Variants in CEBPZOS observed in about 807,000 individuals in gnomAD.
The protein encoded by CEBPZOS is protein CEBPZOS.
Under a neutral mutation model 4.8 loss-of-function variants are expected in CEBPZOS, and 10 were observed. That is an observed-to-expected ratio of 2.07 (90% CI 1.28 to 3.52). CEBPZOS has a LOEUF of 3.52. Among genes scored for constraint, CEBPZOS ranks in the 30% most tolerant of loss-of-function variants. The probability of loss-of-function intolerance (pLI) is 0.00; values close to 1 mark genes in which losing one functional copy is unlikely to be tolerated. For synonymous variants in CEBPZOS, 25 were observed against 14.2 expected, an observed-to-expected ratio of 1.77 and a Z score of -1.72; for missense variants, 98 against 43.6, an observed-to-expected ratio of 2.25 and a Z score of -3.51.
intron 2 of CEBPZOS, 94 bp downstream of exon 2, chr2:37,199,913 T>G: frequency 1.6e-6 from 1 of 642,528 alleles, no homozygotes; most frequent in Non-Finnish European, 2.9e-6. Flanking sequence ...TTGGAGAAAT[T>G]GGTTCTTCAG....
At chr2:37,198,548 G>C (rs1321243406) in intron 1 of CEBPZOS, 1 of 152,050 alleles carries the variant, frequency 6.6e-6, no homozygotes, top group Non-Finnish European at 1.5e-5. Flanking sequence ...CAGCGAGCTG[G>C]GATTGAGAAC....
chr2:37,198,657 T>A (rs1338426147), intron 1 of CEBPZOS: 5 of 152,246 alleles, frequency 3.3e-5, no homozygotes, highest in African/African-American at 1.2e-4. Context: ...AACTTGGGTT[T>A]ACATTAATGT....
At chr2:37,208,531 A>G (rs1677613627), downstream of CEBPZOS, among the ~76,000 whole-genome samples, 1 of 152,152 alleles carries the variant, frequency 6.6e-6, no homozygotes, top group Non-Finnish European at 1.5e-5. Context: ...TAAACAATTA[A>G]AAACAAAAAT....
At chr2:37,200,533 T>G (rs1206542959) in intron 2 of CEBPZOS, among the ~76,000 whole-genome samples, 2 of 152,086 alleles carry the variant, frequency 1.3e-5, no homozygotes, top group Non-Finnish European at 2.9e-5. Flanking sequence ...AAGCTTGGGA[T>G]CAGTTTTAAA....
intron 1 of CEBPZOS, among the ~76,000 whole-genome samples, chr2:37,197,945 G>A (rs764734010): frequency 1.1e-4 from 17 of 152,162 alleles, no homozygotes; most frequent in Non-Finnish European, 1.5e-5. Flanking sequence ...TGGATTGCCT[G>A]AGCTCAGGAG....
intron 1 of CEBPZOS, among the ~76,000 whole-genome samples, chr2:37,197,945 G>C (rs764734010): frequency 6.6e-6 from 1 of 152,162 alleles, no homozygotes; most frequent in Non-Finnish European, 1.5e-5. Flanking sequence ...TGGATTGCCT[G>C]AGCTCAGGAG....
Position 37,202,695 on chromosome 2 carries a change from A to C in CEBPZOS, c.*835A>C, listed in dbSNP as rs1677328423. Reference sequence around the variant, plus strand: ...AAAAAAAAAAAAAAAAAAAAAAAGAATAAATAAAATAACGAAAATTTCCTA... The same window carrying C: ...AAAAAAAAAAAAAAAAAAAAAAAGACTAAATAAAATAACGAAAATTTCCTA... On this transcript the variant is annotated 3_prime_UTR_variant, in exon 5 of 5. Coordinates refer to ENST00000402297, the MANE Select transcript of CEBPZOS (RefSeq NM_001322374.2). The C allele has an allele frequency of 2.5e-5, 5 of 202,676 alleles. No homozygotes were observed. 12.6% of individuals were successfully genotyped at this position (202,676 alleles called of 1,614,324 possible).
chr2:37,213,685 A>T (rs1479726767), exon 5 of CEBPZOS: 1 of 513,304 alleles, frequency 1.9e-6, no homozygotes, highest in Non-Finnish European at 3.4e-6. Flanking sequence ...AAGTGCTGGG[A>T]TTACAGGTGT....
chr2:37,202,689 A>G lies in CEBPZOS; in HGVS notation c.*829A>G. On this transcript the variant is annotated 3_prime_UTR_variant, in exon 5 of 5. Coordinates refer to ENST00000402297, the MANE Select transcript of CEBPZOS (RefSeq NM_001322374.2). ...AAAAAAAAAAAAAAAAAAAAAAAAA[A>G]AAAGAATAAATAAAATAACGAAAAT... The G allele has an allele frequency of 4.0e-6, 1 of 247,770 alleles. No individual in the cohort carries two copies. The highest frequency in any genetic ancestry group is 7.2e-6 in the Non-Finnish European group (1 of 138,226). 15.3% of individuals were successfully genotyped at this position (247,770 alleles called of 1,614,324 possible).
At chr2:37,206,945 A>G (rs2148340678), downstream of CEBPZOS, among the ~76,000 whole-genome samples, 1 of 152,318 alleles carries the variant, frequency 6.6e-6, no homozygotes, top group South Asian at 2.1e-4. Context: ...ACTTAAGGTA[A>G]AGGGGTGGGA....
chr2:37,208,895 G>A (rs1478241820), downstream of CEBPZOS: 1 of 151,834 alleles, frequency 6.6e-6, no homozygotes, highest in East Asian at 1.9e-4. Flanking sequence ...AAACCCTAAA[G>A]ACTCATCCAA....
intron 4 of CEBPZOS, chr2:37,210,709 C>G (rs765554093): frequency 1.4e-5 from 4 of 278,976 alleles, no homozygotes; most frequent in African/African-American, 2.3e-5. Context: ...TCAGAAATCA[C>G]TACTAAAGAA....
At position 37,202,172 on chromosome 2, in the gene CEBPZOS, C is replaced by A; in HGVS notation, c.*312C>A. 1 of 268,556 alleles carries A rather than the reference C, an allele frequency of 3.7e-6. No homozygotes were observed. The allele number at this position is 268,556 out of a possible 1,614,324, so 16.6% of individuals were successfully genotyped here. A position where few individuals can be genotyped will look rare whatever the true frequency, so the allele number is the denominator to read the frequency against. On this transcript the variant is annotated 3_prime_UTR_variant, in exon 5 of 5. Transcript: ENST00000402297. Reference sequence around the variant, plus strand: ...AGCACTTTTACTGGTGAAATAAAAACCAGTAACAATCAATATGTAAAAACG... The same window carrying A: ...AGCACTTTTACTGGTGAAATAAAAAACAGTAACAATCAATATGTAAAAACG...
chr2:37,212,001 G>C, intron 4 of CEBPZOS: 1 of 1,606,068 alleles, frequency 6.2e-7, no homozygotes, highest in Non-Finnish European at 8.5e-7. Flanking sequence ...TTCATCTAAT[G>C]TGTTATCCTT....
intron 4 of CEBPZOS, chr2:37,211,920 T>G (rs1358802000): frequency 6.2e-7 from 1 of 1,613,520 alleles, no homozygotes; most frequent in Admixed American, 1.7e-5. Context: ...AAATTCTTCA[T>G]CATCCATACT....
intron 4 of CEBPZOS, chr2:37,209,884 T>C (rs1001349534): frequency 4.6e-5 from 7 of 152,120 alleles, no homozygotes; most frequent in African/African-American, 1.7e-4. Context: ...ACTATGCATC[T>C]GAGAAAGGAC....
chr2:37,208,993 C>T (rs1677630292), downstream of CEBPZOS: 1 of 150,708 alleles, frequency 6.6e-6, no homozygotes, highest in Non-Finnish European at 1.5e-5. Flanking sequence ...TATACACCAA[C>T]AGCAACCAAG....
chr2:37,203,976 G>A lies in CEBPZOS; in HGVS notation c.*2116G>A, dbSNP rs972302783. ...TTTTGTCTACTTTTTGGCATTAATA[G>A]TGCTGCTGTGAACAATCATGTACAA... is the stretch of plus-strand genomic sequence containing the variant. On this transcript the variant is annotated 3_prime_UTR_variant, in exon 5 of 5. Coordinates refer to ENST00000402297, the MANE Select transcript of CEBPZOS (RefSeq NM_001322374.2). The A allele has an allele frequency of 1.3e-5, 2 of 152,096 alleles. No homozygotes were observed. Among genetic ancestry groups the A allele is most frequent in the African/African-American group, 2.4e-5 (1 of 41,416 alleles). 9.4% of individuals were successfully genotyped at this position (152,096 alleles called of 1,614,324 possible). A position where few individuals can be genotyped will look rare whatever the true frequency, so the allele number is the denominator to read the frequency against.
chr2:37,205,876 T>C (rs945985508), downstream of CEBPZOS, among the ~76,000 whole-genome samples: 7 of 151,932 alleles, frequency 4.6e-5, no homozygotes, highest in African/African-American at 1.7e-4. Context: ...AAAAAACAAT[T>C]AGCAGAAAGA....
Sources: gnomAD v4.1 joint callset for allele counts (sites outside exome capture counted in the v4.1 genomes callset) on GRCh38, gnomAD v4.1.1 for gene constraint, MANE v1.5 for transcripts, NCBI Gene and HGNC (gene_info 2026-07-23, HGNC 2026-07-21) for gene names.